DPY19L1: variants seen among roughly 807,000 people sequenced by gnomAD.
The protein encoded by DPY19L1 is protein C-mannosyl-transferase DPY19L1.
DPY19L1 carries 35 observed loss-of-function variants against 96.9 expected under a neutral mutation model. The observed-to-expected ratio is 0.36, with a 90% CI of 0.28 to 0.48. DPY19L1 has a LOEUF of 0.48. DPY19L1 is among the 20% of genes least tolerant of loss of function. DPY19L1 has a pLI of 0.99. For synonymous variants in DPY19L1, 205 were observed against 252.6 expected (o/e 0.81, Z 1.79); for missense variants, 521 against 777.9 (o/e 0.67, Z 3.93).
intron 7 of DPY19L1, among the ~76,000 whole-genome samples, chr7:34,984,326 T>C (rs1265002857): frequency 1.3e-5 from 2 of 151,926 alleles, no homozygotes; most frequent in Non-Finnish European, 2.9e-5. Context: ...CACGTCAAGA[T>C]GAGGGGCGCA....
intron 6 of DPY19L1, among the ~76,000 whole-genome samples, chr7:34,994,803 C>CAA (rs560016715): frequency 8.1e-6 from 1 of 124,064 alleles, no homozygotes; most frequent in Non-Finnish European, 1.7e-5. Flanking sequence ...GATTCCGTCT[C>CAA]AAAAAAAAAA....
chr7:35,009,594 G>C (rs780275953), intron 6 of DPY19L1, among the ~76,000 whole-genome samples: 2 of 152,146 alleles, frequency 1.3e-5, no homozygotes, highest in African/African-American at 2.4e-5. Context: ...AATATCATTT[G>C]ATAATGAGTG....
intron 6 of DPY19L1, among the ~76,000 whole-genome samples, chr7:34,995,918 G>T (rs911811258): frequency 1.3e-5 from 1 of 75,842 alleles, no homozygotes; most frequent in Non-Finnish European, 3.2e-5. Flanking sequence ...GGCGGCGGTG[G>T]GGGGGGCGGT....
intron 7 of DPY19L1, among the ~76,000 whole-genome samples, chr7:34,989,011 T>G (rs2128671921): frequency 6.6e-6 from 1 of 152,264 alleles, no homozygotes; most frequent in African/African-American, 2.4e-5. Flanking sequence ...AAGAGGAAAC[T>G]AAGGCAAAGA....
At chr7:35,030,645 C>T (rs1423441539) in intron 1 of DPY19L1, among the ~76,000 whole-genome samples, 2 of 152,078 alleles carry the variant, frequency 1.3e-5, no homozygotes, top group Non-Finnish European at 2.9e-5. Flanking sequence ...GCCAGAAAAA[C>T]ACAAACAGCT....
At chr7:35,029,312 A>G (rs1786204856) in intron 1 of DPY19L1, among the ~76,000 whole-genome samples, 1 of 152,248 alleles carries the variant, frequency 6.6e-6, no homozygotes, top group African/African-American at 2.4e-5. Flanking sequence ...TAAGATACAC[A>G]ACCAAGATAA....
intron 3 of DPY19L1, among the ~76,000 whole-genome samples, chr7:35,016,347 A>T (rs1037699246): frequency 1.2e-4 from 19 of 152,222 alleles, no homozygotes; most frequent in African/African-American, 4.8e-5. Context: ...TCATAATGAT[A>T]CTCCAAAAGA....
At chr7:35,009,997 G>C (rs758144866) in intron 6 of DPY19L1, among the ~76,000 whole-genome samples, 1 of 152,160 alleles carries the variant, frequency 6.6e-6, no homozygotes, top group Non-Finnish European at 1.5e-5. Flanking sequence ...TGGAAGCTGA[G>C]ATGGGCAGAT....
chr7:35,037,824 G>C (rs1045947819), upstream of DPY19L1: 18 of 1,228,618 alleles, frequency 1.5e-5, no homozygotes, highest in African/African-American at 6.2e-5. Flanking sequence ...ACACCTCTTC[G>C]GCGCCCGCGC....
chr7:34,989,679 G>A (rs1035175009), intron 7 of DPY19L1, among the ~76,000 whole-genome samples: 3 of 151,182 alleles, frequency 2.0e-5, no homozygotes, highest in South Asian at 4.2e-4. Context: ...AGTTGATACA[G>A]ACCCATTATT....
At chr7:35,004,893 C>A (rs1251849474) in intron 6 of DPY19L1, among the ~76,000 whole-genome samples, 1 of 152,168 alleles carries the variant, frequency 6.6e-6, no homozygotes, top group African/African-American at 2.4e-5. Flanking sequence ...TCCGCAGGGG[C>A]ATTGTTCTGT....
At chr7:35,010,780 A>T (rs1785691571) in intron 5 of DPY19L1, among the ~76,000 whole-genome samples, 1 of 152,136 alleles carries the variant, frequency 6.6e-6, no homozygotes, top group Admixed American at 6.5e-5. Context: ...AAATTCACTG[A>T]TACGCCTCCT....
intron 10 of DPY19L1, among the ~76,000 whole-genome samples, chr7:34,960,130 T>C (rs1374691742): frequency 6.6e-6 from 1 of 151,328 alleles, no homozygotes; most frequent in Admixed American, 6.6e-5. Flanking sequence ...AATAAAATAA[T>C]CCATATTCTA....
In DPY19L1 at chr7:34,998,567, C is replaced by T. The variant is rs575319737; in HGVS notation, c.765-8626G>A. ...GCACTGGGTGTCACTTCTGCACTGACGTGAAGAATCAGATATGTCTCCCGG... is the reference window on the plus strand; with the variant it reads ...GCACTGGGTGTCACTTCTGCACTGATGTGAAGAATCAGATATGTCTCCCGG... On this transcript the variant is annotated intron_variant, in intron 6 of 21. Transcript: ENST00000638088. Among the ~76,000 whole-genome samples the T allele has an allele frequency of 8.5e-4, 130 of 152,240 alleles. 2 individuals carry two copies. The highest frequency in any genetic ancestry group is 3.4e-3 in the Middle Eastern group (1 of 294).
chr7:35,017,245 G>A (rs1431453679), intron 3 of DPY19L1, among the ~76,000 whole-genome samples: 2 of 151,808 alleles, frequency 1.3e-5, no homozygotes, highest in African/African-American at 4.8e-5. Context: ...TGTAATCCCA[G>A]CACTTTGGGA....
At position 35,037,180 on chromosome 7, in the gene DPY19L1, C is replaced by T. The variant is rs1328256886; in HGVS notation, c.215G>A (p.Gly72Glu). ...PGAPPAGGGL[G>E]GRLAARLRWA... The stretch of plus-strand genomic sequence containing the variant: ...GCGCAGCCGGGCGGCCAGGCGCCCC[C>T]CAAGGCCGCCCCCGGCGGGCGGCGC... The change falls in exon 1 of 22, where the codon GGG becomes GAG. Residue 72 changes from glycine to glutamate, a missense_variant. Physicochemically the swap from Gly to Glu is moderately conservative, Grantham distance 98. Coordinates refer to ENST00000638088, the MANE Select transcript of DPY19L1 (RefSeq NM_001366673.1). 8.2e-5 allele frequency: 12 copies of T among 146,456 alleles called. No homozygotes were observed. In the East Asian group the frequency reaches 1.8e-3, roughly 22 times the overall value. The allele number at this position is 146,456 out of a possible 1,614,324, so 9.1% of individuals were successfully genotyped here.
chr7:34,965,439 C>T (rs1784588516), intron 10 of DPY19L1, among the ~76,000 whole-genome samples: 1 of 151,962 alleles, frequency 6.6e-6, no homozygotes, highest in African/African-American at 2.4e-5. Context: ...AAAATATGTA[C>T]TATTTAGTAA....
At chr7:35,037,867 A>G (rs2128686197), upstream of DPY19L1, 2 of 1,236,200 alleles carry the variant, frequency 1.6e-6, no homozygotes, top group Non-Finnish European at 2.0e-6. Context: ...GCGGGGGCGG[A>G]CGGCCTTCCG....
Position 34,985,393 on chromosome 7 carries a change from C to T in DPY19L1, c.822+4491G>A, listed in dbSNP as rs185767078. On this transcript the variant is annotated intron_variant, in intron 7 of 21. Transcript: ENST00000638088. ...TAATTAACAGAGTGTACAGTCAACC[C>T]GAGGATTGGGAGAAAATATCTGCAA... Among the ~76,000 whole-genome samples, 247 of 152,078 alleles carry T rather than the reference C, an allele frequency of 1.6e-3. 4 individuals are homozygous for T. Among genetic ancestry groups the T allele is most frequent in the Admixed American group, 0.014 (209 of 15,274 alleles).
Sources: gnomAD v4.1 joint callset for allele counts (sites outside exome capture counted in the v4.1 genomes callset) on GRCh38, gnomAD v4.1.1 for gene constraint, MANE v1.5 for transcripts, NCBI Gene and HGNC (gene_info 2026-07-23, HGNC 2026-07-21) for gene names.